SETD2: variants seen among roughly 807,000 people sequenced by gnomAD.
SETD2 encodes the protein histone-lysine N-methyltransferase SETD2.
Under a neutral mutation model 242.1 loss-of-function variants are expected in SETD2, and 31 were observed. The ratio of observed to expected loss-of-function variants is 0.13; its 90% CI spans 0.10 to 0.17. SETD2 has a LOEUF of 0.17. SETD2 is among the 10% of genes least tolerant of loss of function. The pLI is 1.00. For missense variants in SETD2, 2,481 were observed against 3,046.3 expected, an observed-to-expected ratio of 0.81 and a Z score of 4.37; for synonymous variants, 1,006 against 1,066.5, an observed-to-expected ratio of 0.94 and a Z score of 1.11.
At chr3:47,154,391 AGAGC>A (rs2044076569) in intron 1 of SETD2, among the ~76,000 whole-genome samples, 1 of 152,150 alleles carries the variant, frequency 6.6e-6, no homozygotes, top group South Asian at 2.1e-4. Flanking sequence ...CCTGGGCAAG[AGAGC>A]GAGACTCCAT....
intron 1 of SETD2, chr3:47,138,318 G>A: frequency 7.3e-6 from 2 of 274,520 alleles, no homozygotes; most frequent in South Asian, 3.3e-5. Flanking sequence ...CGCCCAGGCT[G>A]GAGTACAGTG....
In SETD2 at chr3:47,088,309, A is replaced by C. The variant is rs965955021; in HGVS notation, c.5143-62T>G. The C allele has an allele frequency of 3.1e-5, 48 of 1,536,984 alleles. No individual in the cohort carries two copies. The Middle Eastern group carries it at 1.0e-3, about 34-fold the overall frequency. On this transcript the variant is annotated intron_variant, in intron 9 of 20. Transcript: ENST00000409792. ...ACAACAACAAAAAAAAAAACCAAAA[A>C]CCCAAAAAGTTGCTCAACCTTATCA...
chr3:47,058,102 G>A (rs1484086713), intron 14 of SETD2, among the ~76,000 whole-genome samples: 1 of 152,134 alleles, frequency 6.6e-6, no homozygotes, highest in African/African-American at 2.4e-5. Flanking sequence ...CACAAAACCA[G>A]TTAAGGGAAG....
chr3:47,106,217 C>A (rs2107697769), intron 5 of SETD2, 97 bp from the exon 6 acceptor site: 1 of 1,022,484 alleles, frequency 9.8e-7, no homozygotes, highest in Non-Finnish European at 1.4e-6. Flanking sequence ...ATAAATACTG[C>A]AATGTGGATA....
intron 16 of SETD2, 121 bp from the exon 17 acceptor site, chr3:47,042,821 A>G: frequency 1.1e-6 from 1 of 902,762 alleles, no homozygotes; most frequent in Non-Finnish European, 1.7e-6. Flanking sequence ...AAAAAGGATA[A>G]AGGAAAGGTA....
chr3:47,045,390 C>T (rs1007152712), intron 16 of SETD2, among the ~76,000 whole-genome samples: 6 of 151,754 alleles, frequency 4.0e-5, no homozygotes, highest in African/African-American at 7.3e-5. Context: ...TGGTGGCGGG[C>T]GCCTGTAGTC....
At chr3:47,129,756 G>C (rs559730186) in intron 1 of SETD2, among the ~76,000 whole-genome samples, 1 of 152,100 alleles carries the variant, frequency 6.6e-6, no homozygotes, top group African/African-American at 2.4e-5. Flanking sequence ...ATGATGGCAA[G>C]TGCCTGTAAT....
chr3:47,029,952 T>C (rs1298144131), intron 18 of SETD2, among the ~76,000 whole-genome samples: 1 of 152,040 alleles, frequency 6.6e-6, no homozygotes, highest in African/African-American at 2.4e-5. Flanking sequence ...GGTCAGGAGT[T>C]TGAGACCAGC....
intron 9 of SETD2, among the ~76,000 whole-genome samples, chr3:47,096,706 T>C (rs1464493379): frequency 1.3e-5 from 2 of 152,126 alleles, no homozygotes; most frequent in Non-Finnish European, 2.9e-5. Flanking sequence ...GTGATCACTC[T>C]ACTGTACTCT....
chr3:47,122,916 A>G lies in SETD2; in HGVS notation c.1720T>C (p.Cys574Arg). 2.5e-6 allele frequency: 4 copies of G among 1,610,658 alleles called. No homozygotes were observed. The highest frequency in any genetic ancestry group is 2.5e-6 in the Non-Finnish European group (3 of 1,178,806). The change falls in exon 3 of 21, where the codon TGT (cysteine) becomes CGT (arginine). Residue 574 changes from cysteine (C) to arginine (R), a missense_variant. Cys to Arg is a radical substitution (Grantham distance 180). Transcript: ENST00000409792. ...PKSDKFKNSF[C>R]CTELNEEIKQ... The stretch of plus-strand genomic sequence containing the variant: ...ATTTCTTCATTTAATTCTGTACAAC[A>G]GAAAGAATTTTTAAATTTATCAGAC...
intron 18 of SETD2, among the ~76,000 whole-genome samples, chr3:47,028,426 T>G (rs756945041): frequency 2.6e-5 from 4 of 152,180 alleles, no homozygotes; most frequent in African/African-American, 9.7e-5. Flanking sequence ...TGAAGAGATA[T>G]CCATTAGATA....
At chr3:47,115,539 A>T (rs1348361189) in intron 4 of SETD2, among the ~76,000 whole-genome samples, 1 of 152,182 alleles carries the variant, frequency 6.6e-6, no homozygotes, top group Non-Finnish European at 1.5e-5. Flanking sequence ...CTATAACATG[A>T]GCAAAACCAA....
chr3:47,087,852 C>T (rs2041628662), intron 10 of SETD2, among the ~76,000 whole-genome samples: 1 of 114,064 alleles, frequency 8.8e-6, no homozygotes. Flanking sequence ...GCCTGTAATC[C>T]CAGCTACTCA....
chr3:47,023,189 A>C (rs1427644025), intron 18 of SETD2, among the ~76,000 whole-genome samples: 1 of 152,122 alleles, frequency 6.6e-6, no homozygotes, highest in Non-Finnish European at 1.5e-5. Flanking sequence ...TCATGAGGTC[A>C]GGAGTTCGAG....
At position 47,062,154 on chromosome 3, in the gene SETD2, G is replaced by C. The variant is rs2040360525; in HGVS notation, c.6293+9C>G. 1 of 1,610,278 alleles carries C rather than the reference G, an allele frequency of 6.2e-7. No homozygotes were observed. The highest frequency in any genetic ancestry group is 8.5e-7 in the Non-Finnish European group (1 of 1,178,966). Reference sequence around the variant, plus strand: ...AACAAAAACAAAAAAACTCACACAGGCCACTTACCTGTCATCTGGCCTTTT... The same window carrying C: ...AACAAAAACAAAAAAACTCACACAGCCCACTTACCTGTCATCTGGCCTTTT... On this transcript the variant is annotated intron_variant, in intron 14 of 20. Coordinates refer to ENST00000409792, the MANE Select transcript of SETD2 (RefSeq NM_014159.7).
chr3:47,032,961 T>C (rs1490030716), intron 18 of SETD2, among the ~76,000 whole-genome samples: 1 of 152,022 alleles, frequency 6.6e-6, no homozygotes, highest in African/African-American at 2.4e-5. Context: ...TTTCCACAAG[T>C]ACTTGTCAAT....
chr3:47,037,973 G>C (rs2039095909), intron 17 of SETD2, among the ~76,000 whole-genome samples, 196 bp from the exon 18 acceptor site: 1 of 152,148 alleles, frequency 6.6e-6, no homozygotes, highest in Admixed American at 6.5e-5. Context: ...CCTCTTCAAT[G>C]ACTGTATTTC....
At chr3:47,140,507 A>G (rs978441955) in intron 1 of SETD2, among the ~76,000 whole-genome samples, 2 of 152,256 alleles carry the variant, frequency 1.3e-5, no homozygotes, top group Non-Finnish European at 2.9e-5. Context: ...ATAAGCCTCA[A>G]AAGATAAATA....
At position 47,122,201 on chromosome 3, in the gene SETD2, A is replaced by C; in HGVS notation, c.2435T>G (p.Ile812Ser). Residue 812 changes from isoleucine to serine, a missense_variant, in exon 3 of 21, where the codon ATT becomes AGT. Ile to Ser is a moderately radical substitution (Grantham distance 142). This residue lies in a region of SETD2 where 1,300 missense variants were observed against 1,259.2 expected (regional missense o/e 1.03). Coordinates refer to ENST00000409792, the MANE Select transcript of SETD2 (RefSeq NM_014159.7). ...PSLCNSEAEN[I>S]EPSVMKISSN... ...AGAAATCTTCATAACTGAAGGCTCA[A>C]TATTTTCAGCTTCAGAGTTACACAA... is the stretch of plus-strand genomic sequence containing the variant. The C allele has an allele frequency of 6.2e-7, 1 of 1,614,104 alleles. No individual in the cohort carries two copies. The highest frequency in any genetic ancestry group is 8.5e-7 in the Non-Finnish European group (1 of 1,179,960).
Sources: allele counts gnomAD v4.1 joint callset (sites outside exome capture counted in the v4.1 genomes callset), GRCh38; gene constraint gnomAD v4.1.1; regional missense constraint gnomAD v4.1.1; transcripts MANE v1.5; gene names NCBI Gene and HGNC (gene_info 2026-07-23, HGNC 2026-07-21).